NCKIPSD: variants seen among roughly 807,000 people sequenced by gnomAD.
NCKIPSD encodes the protein NCK interacting protein with SH3 domain.
In NCKIPSD, 48 loss-of-function variants were observed where a neutral mutation model predicts 73.4. The observed-to-expected ratio is 0.65, with a 90% CI of 0.52 to 0.83. The LOEUF (loss-of-function observed/expected upper bound fraction) is 0.83. Ranked by LOEUF, NCKIPSD falls within the 40% of genes least tolerant of loss-of-function variation. NCKIPSD has a pLI of 0.00. For synonymous variants in NCKIPSD, 422 were observed against 403.6 expected, an observed-to-expected ratio of 1.05 and a Z score of -0.54; for missense variants, 884 against 970.2, an observed-to-expected ratio of 0.91 and a Z score of 1.18.
chr3:48,681,616 C>A lies in NCKIPSD; in HGVS notation c.763G>T (p.Val255Leu), dbSNP rs116261211. The part of the protein sequence containing the change: ...PVPRRGTHTT[V>L]SQVQPPPSKA... Reference sequence around the variant, plus strand: ...GAGGGAGGGGGCTGGACTTGGGACACGGTGGTGTGGGTGCCTCGGCGGGGC... The same window carrying A: ...GAGGGAGGGGGCTGGACTTGGGACAAGGTGGTGTGGGTGCCTCGGCGGGGC... Residue 255 changes from valine (V) to leucine (L), a missense_variant, in exon 5 of 13, where the codon GTG (valine) becomes TTG (leucine). Coordinates refer to ENST00000294129, the MANE Select transcript of NCKIPSD (RefSeq NM_016453.4). The A allele has an allele frequency of 6.2e-7, 1 of 1,613,784 alleles. No individual in the cohort carries two copies. Among genetic ancestry groups the A allele is most frequent in the Non-Finnish European group, 8.5e-7 (1 of 1,179,938 alleles).
rs554363447 is a variant in NCKIPSD at position 48,683,016 on chromosome 3, G to C, written c.172-4C>G. ...GGAGGACATCCTGCTCCAGGCCCTG[G>C]GGGGGGCAGGGGACAGCAGTTAGAC... On this transcript the variant is annotated splice_polypyrimidine_tract_variant and splice_region_variant and intron_variant, in intron 1 of 12. Transcript: ENST00000294129. The C allele has an allele frequency of 2.7e-4, 423 of 1,549,576 alleles. No individual in the cohort carries two copies. Among genetic ancestry groups the C allele is most frequent in the Non-Finnish European group, 3.3e-4 (376 of 1,146,942 alleles).
chr3:48,683,979 GAC>G (rs545029045), intron 1 of NCKIPSD, among the ~76,000 whole-genome samples: 4,687 of 130,974 alleles, frequency 0.036, 81 homozygotes, highest in East Asian at 0.058. Context: ...AAGACATGAA[GAC>G]ACACACACAC....
intron 1 of NCKIPSD, among the ~76,000 whole-genome samples, chr3:48,685,212 AG>A: frequency 2.0e-4 from 1 of 4,946 alleles, no homozygotes; most frequent in Non-Finnish European, 3.9e-4. Flanking sequence ...GGAGGGAGGG[AG>A]GGAGGGAGGG....
In NCKIPSD at chr3:48,681,756, C is replaced by A. The variant is rs769196702; in HGVS notation, c.623G>T (p.Gly208Val). Residue 208 changes from glycine (G) to valine (V), a missense_variant, in exon 5 of 13, where the codon GGG becomes GTG. Physicochemically the swap from Gly to Val is moderately radical, Grantham distance 109. Transcript: ENST00000294129. ...GSGGHNTMPS[G>V]GNSVSSGSSV... is the part of the protein sequence containing the mutation. Reference sequence around the variant, plus strand: ...GGAGCCGCTGGACACAGAGTTACCCCCGGAGGGCATGGTGTTGTGGCCACC... The same window carrying A: ...GGAGCCGCTGGACACAGAGTTACCCACGGAGGGCATGGTGTTGTGGCCACC... 6.6e-7 allele frequency: 1 copy of A among 1,516,306 alleles called. No homozygotes were observed. The highest frequency in any genetic ancestry group is 8.8e-7 in the Non-Finnish European group (1 of 1,133,962). The allele number at this position is 1,516,306 out of a possible 1,614,324, so 93.9% of individuals were successfully genotyped here.
chr3:48,676,719 A>C (rs1184052058), intron 12 of NCKIPSD, among the ~76,000 whole-genome samples: 6 of 151,890 alleles, frequency 4.0e-5, no homozygotes, highest in Non-Finnish European at 7.4e-5. Context: ...TCTTGAACTC[A>C]TGGACTCAAG....
Position 48,682,495 on chromosome 3 carries a change from A to G in NCKIPSD, c.339T>C (p.Ser113=). The change falls in exon 3 of 13, where the codon AGT becomes AGC. Residue 113 remains serine (S), a synonymous_variant. Transcript: ENST00000294129. ...TLSRRGPSAS[S]VAVMTSSTSD... ...TGGTTGATGAGGTCATAACTGCAAC[A>G]CTGGAGGCTGAAGGGCCTCTGCGTG... 1 of 1,614,056 alleles carries G rather than the reference A, an allele frequency of 6.2e-7. No individual in the cohort carries two copies. Among genetic ancestry groups the G allele is most frequent in the South Asian group, 1.1e-5 (1 of 91,078 alleles).
rs745925545 is a variant in NCKIPSD, at chr3:48,675,528, G to C, written c.1966-781C>G. On this transcript the variant is annotated intron_variant, in intron 12 of 12. Transcript: ENST00000294129. ...ATATATCATATATATATATATATATGATATATATATATATATATCATTTTT... is the reference window on the plus strand; with the variant it reads ...ATATATCATATATATATATATATATCATATATATATATATATATCATTTTT... 8.2e-5 allele frequency among the ~76,000 whole-genome samples: 10 copies of C among 122,296 alleles called. No individual in the cohort carries two copies. In the East Asian group the frequency reaches 2.2e-3, roughly 27 times the overall value. 80.2% of individuals were successfully genotyped at this position (122,296 alleles called of 152,430 possible).
intron 11 of NCKIPSD, 57 bp downstream of exon 11, chr3:48,678,820 G>T: frequency 6.2e-7 from 1 of 1,613,410 alleles, no homozygotes; most frequent in South Asian, 1.1e-5. Context: ...GTCATTGCAG[G>T]GGTCATGGAG....
intron 12 of NCKIPSD, 60 bp downstream of exon 12, chr3:48,678,504 C>T: frequency 1.3e-6 from 2 of 1,530,792 alleles, no homozygotes; most frequent in Non-Finnish European, 1.8e-6. Flanking sequence ...GTCATGCCCC[C>T]CACCATTTTG....
intron 12 of NCKIPSD, among the ~76,000 whole-genome samples, chr3:48,676,537 A>G (rs2077259449): frequency 6.6e-6 from 1 of 152,088 alleles, no homozygotes; most frequent in Admixed American, 6.6e-5. Context: ...CTGGAGTGCA[A>G]TGACACAATC....
chr3:48,682,204 G>A (rs9883469), intron 3 of NCKIPSD, 48 bp from the exon 4 acceptor site: 168,734 of 1,572,412 alleles, frequency 0.11, 9,684 homozygotes, highest in African/African-American at 0.2. Flanking sequence ...CATCTAGAGC[G>A]TCAGCGAGGC....
At chr3:48,681,131 C>T in intron 5 of NCKIPSD, 156 bp downstream of exon 5, 1 of 1,189,960 alleles carries the variant, frequency 8.4e-7, no homozygotes, top group Non-Finnish European at 1.2e-6. Context: ...TCCTTCCTTT[C>T]TGCTTCAGAA....
At chr3:48,681,170 C>T in intron 5 of NCKIPSD, 117 bp downstream of exon 5, 1 of 1,434,010 alleles carries the variant, frequency 7.0e-7, no homozygotes, top group Non-Finnish European at 9.3e-7. Flanking sequence ...GTGCCCAGCA[C>T]AGTAAGAGCT....
At chr3:48,679,512 C>CA in intron 8 of NCKIPSD, 55 bp from the exon 9 acceptor site, 1 of 1,606,644 alleles carries the variant, frequency 6.2e-7, no homozygotes, top group South Asian at 1.1e-5. Flanking sequence ...GAAACCCCAG[C>CA]AGATGGCAGG....
At position 48,681,907 on chromosome 3, in the gene NCKIPSD, C is replaced by T. The variant is rs536267800; in HGVS notation, c.599-127G>A. ...GCTAGGCACTGCCTCCTCACAAAGCCCAGAGCCCCTAATTGCCCCAAAATG... is the reference window on the plus strand; with the variant it reads ...GCTAGGCACTGCCTCCTCACAAAGCTCAGAGCCCCTAATTGCCCCAAAATG... On this transcript the variant is annotated intron_variant, in intron 4 of 12. Coordinates refer to ENST00000294129, the MANE Select transcript of NCKIPSD (RefSeq NM_016453.4). 383 of 1,467,234 alleles carry T rather than the reference C, an allele frequency of 2.6e-4. 1 individual carries two copies. The African/African-American group carries it at 4.8e-3, about 18-fold the overall frequency. The allele number at this position is 1,467,234 out of a possible 1,614,324, so 90.9% of individuals were successfully genotyped here.
rs2077314656 is a variant in NCKIPSD at position 48,679,612 on chromosome 3, A to G, written c.1452T>C (p.Pro484=). 1 of 1,614,170 alleles carries G rather than the reference A, an allele frequency of 6.2e-7. No individual in the cohort carries two copies. Among genetic ancestry groups the G allele is most frequent in the Non-Finnish European group, 8.5e-7 (1 of 1,180,008 alleles). The part of the protein sequence containing the change: ...IISTLVSSVL[P]VELARDMQTD... The stretch of plus-strand genomic sequence containing the variant: ...TCTGCATGTCCCTCGCCAGCTCTAC[A>G]GGCAGCACGGATGACACAAGCGTGG... Residue 484 remains proline, a synonymous_variant, in exon 8 of 13, where the codon CCT becomes CCC. Transcript: ENST00000294129.
intron 12 of NCKIPSD, among the ~76,000 whole-genome samples, chr3:48,675,543 A>ATATG (rs1372307176): frequency 7.1e-6 from 1 of 141,302 alleles, no homozygotes; most frequent in African/African-American, 2.6e-5. Flanking sequence ...ATATATATAT[A>ATATG]TATCATTTTT....
At chr3:48,675,992 G>A (rs531864082) in intron 12 of NCKIPSD, among the ~76,000 whole-genome samples, 1 of 152,288 alleles carries the variant, frequency 6.6e-6, no homozygotes, top group Admixed American at 6.5e-5. Context: ...ACCCTGCTAA[G>A]TCCCAGCCCT....
chr3:48,679,379 T>C lies in NCKIPSD; in HGVS notation c.1568A>G (p.Tyr523Cys). The C allele has an allele frequency of 2.5e-6, 4 of 1,614,030 alleles. No individual in the cohort carries two copies. The highest frequency in any genetic ancestry group is 3.4e-6 in the Non-Finnish European group (4 of 1,179,954). The change falls in exon 9 of 13, where the codon TAT becomes TGT. Residue 523 changes from tyrosine (Y) to cysteine (C), a missense_variant and splice_region_variant. Transcript: ENST00000294129. Reference protein sequence around the residue: ...SMGEAVPYAHYEHLGTPFAQF... With the variant: ...SMGEAVPYAHCEHLGTPFAQF... ...CTGGTCGGTTACTGCATTCTTACCA[T>C]AGTGTGCATAGGGCACTGCCTCTCC...
Sources: gnomAD v4.1 joint callset for allele counts (sites outside exome capture counted in the v4.1 genomes callset) on GRCh38, gnomAD v4.1.1 for gene constraint, MANE v1.5 for transcripts, NCBI Gene and HGNC (gene_info 2026-07-23, HGNC 2026-07-21) for gene names.